MINDY4: variants seen among roughly 807,000 people sequenced by gnomAD.
MINDY4 encodes MINDY lysine 48 deubiquitinase 4.
MINDY4 carries 68 observed loss-of-function variants against 87.0 expected under a neutral mutation model. The observed-to-expected ratio is 0.78, with a 90% CI of 0.64 to 0.96. The LOEUF is 0.96. Among genes scored for constraint, MINDY4 ranks in the 40% least tolerant of loss-of-function variants. The pLI, the probability that MINDY4 is intolerant of heterozygous loss-of-function variation, is 0.00. For missense variants in MINDY4, 919 were observed against 928.2 expected (o/e 0.99, Z 0.13); for synonymous variants, 379 against 363.2 (o/e 1.04, Z -0.50).
intron 6 of MINDY4, among the ~76,000 whole-genome samples, chr7:30,830,788 T>A (rs1475094935): frequency 6.6e-6 from 1 of 152,182 alleles, no homozygotes; most frequent in African/African-American, 2.4e-5. Flanking sequence ...GTATTTAGTC[T>A]GGACTCTGAA....
intron 1 of MINDY4, among the ~76,000 whole-genome samples, chr7:30,772,428 A>AC (rs1335250127): frequency 1.3e-5 from 2 of 152,348 alleles, no homozygotes; most frequent in South Asian, 2.1e-4. Context: ...GAACCTCAGT[A>AC]CTTTACTCAC....
In MINDY4 at chr7:30,882,314, A is replaced by C. The variant is rs767994361; in HGVS notation, c.2105A>C (p.Tyr702Ser). Residue 702 changes from tyrosine (Y) to serine (S), a missense_variant, in exon 16 of 18, where the codon TAC becomes TCC. Transcript: ENST00000265299. The stretch of plus-strand genomic sequence containing the variant: ...ACTGAGAGGCTCTTTGACTTGTACT[A>C]CTACGATGGCCTGGCCAACCAGCAG... The part of the protein sequence containing the change: ...WRTERLFDLY[Y>S]YDGLANQQEQ... 6.2e-7 allele frequency: 1 copy of C among 1,612,034 alleles called. No homozygotes were observed. The highest frequency in any genetic ancestry group is 1.1e-5 in the South Asian group (1 of 91,010).
chr7:30,777,811 G>C (rs1786872598), intron 1 of MINDY4, among the ~76,000 whole-genome samples: 1 of 152,212 alleles, frequency 6.6e-6, no homozygotes, highest in African/African-American at 2.4e-5. Context: ...AGAGAAGCCA[G>C]GCACTTGCGA....
chr7:30,782,332 G>C, intron 3 of MINDY4, 120 bp downstream of exon 3: 1 of 730,670 alleles, frequency 1.4e-6, no homozygotes, highest in Non-Finnish European at 2.2e-6. Flanking sequence ...TAGTCTCTGT[G>C]TGTGTATGTT....
chr7:30,862,290 C>T (rs1396985616), intron 13 of MINDY4, among the ~76,000 whole-genome samples: 1 of 152,236 alleles, frequency 6.6e-6, no homozygotes, highest in African/African-American at 2.4e-5. Flanking sequence ...CCCGGGCAGT[C>T]GTGGCACTGC....
chr7:30,812,584 G>A (rs191285676), intron 5 of MINDY4, among the ~76,000 whole-genome samples: 2 of 152,304 alleles, frequency 1.3e-5, no homozygotes, highest in Admixed American at 6.5e-5. Context: ...CCCAAAACAC[G>A]CTGAGGGAGC....
At chr7:30,828,770 A>T (rs757114326) in intron 6 of MINDY4, 33 bp downstream of exon 6, 2 of 1,607,968 alleles carry the variant, frequency 1.2e-6, no homozygotes, top group Admixed American at 1.7e-5. Context: ...TGCTGTGCCC[A>T]TCAGGGCCCA....
rs535941742 is a variant in MINDY4, at chr7:30,882,550, G to C, written c.2152+189G>C. ...CCCTGCAGGAGGCGGCCAGAGCTGGGCCTTGAGCAGTGAGTGGCATTAAGG... is the reference window on the plus strand; with the variant it reads ...CCCTGCAGGAGGCGGCCAGAGCTGGCCCTTGAGCAGTGAGTGGCATTAAGG... On this transcript the variant is annotated intron_variant, in intron 16 of 17. Transcript: ENST00000265299. Among the ~76,000 whole-genome samples the C allele has an allele frequency of 3.1e-3, 472 of 152,312 alleles. 1 individual carries two copies. Among genetic ancestry groups the C allele is most frequent in the African/African-American group, 0.011 (447 of 41,562 alleles).
chr7:30,787,428 A>G (rs1254035264), intron 4 of MINDY4, among the ~76,000 whole-genome samples: 1 of 152,234 alleles, frequency 6.6e-6, no homozygotes, highest in African/African-American at 2.4e-5. Flanking sequence ...GCAGAATGTA[A>G]GAGATTTCTT....
chr7:30,780,516 T>G (rs1418033492), intron 2 of MINDY4: 2 of 152,208 alleles, frequency 1.3e-5, no homozygotes, highest in Non-Finnish European at 2.9e-5. Context: ...AGTTATTAGC[T>G]GTTATACAAT....
chr7:30,882,188 G>C lies in MINDY4; in HGVS notation c.1979G>C (p.Cys660Ser). Residue 660 changes from cysteine to serine, a missense_variant, in exon 16 of 18, where the codon TGC (cysteine) becomes TCC (serine). Transcript: ENST00000265299. ...GGCCTCTCCCTCATCCAGGTTGGCT[G>C]CTTCCTGAAGACCCCGAGGTTCCCC... ...FEHYNMCQVG[C>S]FLKTPRFPIW... The C allele has an allele frequency of 6.2e-7, 1 of 1,605,662 alleles. No individual in the cohort carries two copies. The highest frequency in any genetic ancestry group is 8.5e-7 in the Non-Finnish European group (1 of 1,173,762).
intron 5 of MINDY4, among the ~76,000 whole-genome samples, chr7:30,793,282 C>T (rs1041375547): frequency 4.6e-5 from 7 of 151,026 alleles, no homozygotes; most frequent in Admixed American, 4.0e-4. Context: ...TAAATCCAGT[C>T]GATAATTTTT....
rs755822036 is a variant in MINDY4 at position 30,875,646 on chromosome 7, A to G, written c.1961A>G (p.Asn654Ser). Residue 654 changes from asparagine (N) to serine (S), a missense_variant, in exon 15 of 18, where the codon AAC becomes AGC. Asn to Ser is a conservative substitution (Grantham distance 46, BLOSUM62 1). Transcript: ENST00000265299. ...IGFLSLFEHY[N>S]MCQVGCFLKT... ...TTCTTATCTCTCTTTGAGCATTACA[A>G]CATGTGCCAGGTACCCAGATGCTCA... 7 of 1,607,934 alleles carry G rather than the reference A, an allele frequency of 4.4e-6. No individual in the cohort carries two copies. In the East Asian group the frequency reaches 6.7e-5, roughly 15 times the overall value.
At chr7:30,856,602 C>T (rs1789578746) in intron 12 of MINDY4, among the ~76,000 whole-genome samples, 2 of 151,992 alleles carry the variant, frequency 1.3e-5, no homozygotes, top group South Asian at 4.2e-4. Context: ...GGGAAACAGA[C>T]CACAGACCAA....
chr7:30,883,772 G>A (rs905654672), intron 17 of MINDY4, among the ~76,000 whole-genome samples: 5 of 152,150 alleles, frequency 3.3e-5, no homozygotes, highest in Non-Finnish European at 5.9e-5. Flanking sequence ...GGAGAGGCCT[G>A]GATCCTGGTC....
intron 3 of MINDY4, among the ~76,000 whole-genome samples, chr7:30,782,646 T>C (rs1389425076): frequency 6.6e-6 from 1 of 151,866 alleles, no homozygotes; most frequent in East Asian, 1.9e-4. Flanking sequence ...AAGGCTGCAG[T>C]GAGTTATGAT....
chr7:30,867,806 G>A (rs1411664210), intron 13 of MINDY4, among the ~76,000 whole-genome samples: 2 of 152,190 alleles, frequency 1.3e-5, no homozygotes, highest in Non-Finnish European at 2.9e-5. Flanking sequence ...GTCAGGTGGA[G>A]GGGGGATAGC....
chr7:30,814,795 T>G (rs1788100395), intron 5 of MINDY4, among the ~76,000 whole-genome samples: 1 of 152,192 alleles, frequency 6.6e-6, no homozygotes, highest in Admixed American at 6.5e-5. Context: ...CTCTTCACCT[T>G]TCTAAAAGTA....
At chr7:30,855,873 T>C (rs1562555603) in intron 12 of MINDY4, among the ~76,000 whole-genome samples, 2 of 152,360 alleles carry the variant, frequency 1.3e-5, no homozygotes, top group East Asian at 3.9e-4. Flanking sequence ...GCTCTCCCCC[T>C]GCAGTTTAAT....
Sources: allele counts gnomAD v4.1 joint callset (sites outside exome capture counted in the v4.1 genomes callset), GRCh38; gene constraint gnomAD v4.1.1; transcripts MANE v1.5; gene names NCBI Gene and HGNC (gene_info 2026-07-23, HGNC 2026-07-21).